Variants in MTFR1 observed in about 807,000 individuals in gnomAD.
MTFR1 encodes the protein chondrocyte protein with a poly-proline region.
In MTFR1, 28 loss-of-function variants were observed where a neutral mutation model predicts 38.8. The observed-to-expected ratio is 0.72, with a 90% CI of 0.53 to 0.99. The LOEUF is 0.99. Among genes scored for constraint, MTFR1 ranks in the 50% least tolerant of loss-of-function variants. The probability of loss-of-function intolerance (pLI) is 0.00; values close to 1 mark genes in which losing one functional copy is unlikely to be tolerated. For missense variants in MTFR1, 358 were observed against 395.5 expected (o/e 0.91, Z 0.81); for synonymous variants, 145 against 137.0 (o/e 1.06, Z -0.41).
rs539509299 is a variant in MTFR1 at position 65,729,998 on chromosome 8, C to T, written c.*48+10517C>T. On this transcript the variant is annotated intron_variant, in intron 3 of 3. Coordinates refer to the MTFR1 transcript ENST00000521247. ...GCTCCTCAATCCCCAGGCCATGGAC[C>T]GGTACTGGTCCATGGCCTGTTAGGA... Among the ~76,000 whole-genome samples the T allele has an allele frequency of 1.8e-4, 28 of 151,862 alleles. No homozygotes were observed. The South Asian group carries it at 3.7e-3, about 20-fold the overall frequency.
At chr8:65,735,185 T>C (rs1256172000) in intron 3 of MTFR1, among the ~76,000 whole-genome samples, 1 of 152,104 alleles carries the variant, frequency 6.6e-6, no homozygotes, top group Non-Finnish European at 1.5e-5. Context: ...ACAAATCCAG[T>C]GGTCTCAAAG....
intron 2 of MTFR1, among the ~76,000 whole-genome samples, chr8:65,681,768 A>G (rs1386015826): frequency 6.6e-6 from 1 of 150,554 alleles, no homozygotes; most frequent in East Asian, 2.0e-4. Flanking sequence ...TTCTGCTCAG[A>G]TGAAATTTCT....
At chr8:65,724,445 A>G in intron 3 of MTFR1, 1 of 708,470 alleles carries the variant, frequency 1.4e-6, no homozygotes, top group Middle Eastern at 2.5e-4. Flanking sequence ...AACCATAAAT[A>G]TAAATAAATA....
Position 65,655,969 on chromosome 8 carries a change from C to CATATATATATATATA in MTFR1, c.-81+11185_-81+11186insATATATATATATATA. On this transcript the variant is annotated intron_variant, in intron 1 of 7. Coordinates refer to ENST00000262146, the MANE Select transcript of MTFR1 (RefSeq NM_014637.4). Reference sequence around the variant, plus strand: ...AAAAAAAAATATATATATATATATACCATATATATATATATGGTAGTGGGT... The same window carrying CATATATATATATATA: ...AAAAAAAAATATATATATATATATACATATATATATATATACATATATATATATATGGTAGTGGGT... Among the ~76,000 whole-genome samples the CATATATATATATATA allele has an allele frequency of 6.1e-3, 345 of 56,466 alleles. 57 individuals carry two copies. Among genetic ancestry groups the CATATATATATATATA allele is most frequent in the African/African-American group, 0.033 (325 of 9,840 alleles). The allele number at this position is 56,466 out of a possible 152,430, so 37.0% of individuals were successfully genotyped here.
At chr8:65,698,210 A>G (rs1053297340) in intron 4 of MTFR1, among the ~76,000 whole-genome samples, 3 of 147,988 alleles carry the variant, frequency 2.0e-5, no homozygotes, top group Non-Finnish European at 4.4e-5. Flanking sequence ...GTGCAGTGGC[A>G]TGATCATAGC....
intron 4 of MTFR1, among the ~76,000 whole-genome samples, chr8:65,697,899 T>C (rs1805490748): frequency 6.6e-6 from 1 of 152,228 alleles, no homozygotes; most frequent in Non-Finnish European, 1.5e-5. Flanking sequence ...ATTCTAGATA[T>C]GAATCCTTGT....
intron 3 of MTFR1, among the ~76,000 whole-genome samples, chr8:65,733,387 A>T (rs1474831916): frequency 6.6e-6 from 1 of 152,144 alleles, no homozygotes; most frequent in Non-Finnish European, 1.5e-5. Context: ...TTGTATGGTG[A>T]TTACTCATCA....
At chr8:65,683,331 C>A (rs1432449480) in intron 3 of MTFR1, among the ~76,000 whole-genome samples, 1 of 151,946 alleles carries the variant, frequency 6.6e-6, no homozygotes, top group Admixed American at 6.6e-5. Context: ...GGGGTTTCAC[C>A]ATGTTGGCCA....
chr8:65,645,892 A>G (rs1205247399), intron 1 of MTFR1, among the ~76,000 whole-genome samples: 1 of 152,170 alleles, frequency 6.6e-6, no homozygotes, highest in African/African-American at 2.4e-5. Context: ...ACATATTTCT[A>G]TGCCTCTGTC....
chr8:65,739,473 G>A, intron 3 of MTFR1: 1 of 1,522,824 alleles, frequency 6.6e-7, no homozygotes, highest in Non-Finnish European at 8.7e-7. Context: ...TGTAAATCTT[G>A]TTACTGTTAA....
intron 3 of MTFR1, among the ~76,000 whole-genome samples, chr8:65,690,560 G>GT (rs11405043): frequency 0.11 from 15,978 of 151,996 alleles, 1,906 homozygotes; most frequent in East Asian, 0.53. Flanking sequence ...GTAGTACTTT[G>GT]TTTTTTTGTT....
chr8:65,647,307 TTG>T (rs1248116828), intron 1 of MTFR1, among the ~76,000 whole-genome samples: 2 of 152,120 alleles, frequency 1.3e-5, no homozygotes, highest in African/African-American at 2.4e-5. Flanking sequence ...AGGATTTTTT[TTG>T]TTTTTGTTTC....
At chr8:65,652,016 C>T (rs530431340) in intron 1 of MTFR1, among the ~76,000 whole-genome samples, 3 of 151,222 alleles carry the variant, frequency 2.0e-5, no homozygotes, top group Admixed American at 6.6e-5. Context: ...CGGAGTGCAG[C>T]GGCATGATCA....
chr8:65,712,459 G>A (rs192709119), downstream of MTFR1, among the ~76,000 whole-genome samples: 28 of 152,264 alleles, frequency 1.8e-4, no homozygotes, highest in African/African-American at 6.7e-4. Context: ...TCAGTGCCAG[G>A]AGCTCAAATA....
chr8:65,657,047 C>T (rs556789941), intron 1 of MTFR1, among the ~76,000 whole-genome samples: 2 of 146,378 alleles, frequency 1.4e-5, no homozygotes, highest in Admixed American at 1.4e-4. Flanking sequence ...GAGTCTCACT[C>T]TTATTGCCCA....
chr8:65,678,450 T>C (rs1189272801), intron 2 of MTFR1, among the ~76,000 whole-genome samples: 1 of 152,242 alleles, frequency 6.6e-6, no homozygotes, highest in East Asian at 1.9e-4. Flanking sequence ...TTGATATTTA[T>C]TGGTGCTAAG....
chr8:65,740,730 A>G (rs1315051240), intron 3 of MTFR1, among the ~76,000 whole-genome samples: 1 of 152,106 alleles, frequency 6.6e-6, no homozygotes, highest in Non-Finnish European at 1.5e-5. Context: ...AAGCCAATCC[A>G]TCCACACCTC....
intron 3 of MTFR1, chr8:65,728,534 G>A (rs1037738111): frequency 6.6e-5 from 10 of 152,152 alleles, no homozygotes; most frequent in African/African-American, 2.4e-4. Context: ...ATGAATAGGA[G>A]AAGATGAAGA....
At chr8:65,678,095 T>C (rs1804769774) in intron 2 of MTFR1, among the ~76,000 whole-genome samples, 1 of 152,084 alleles carries the variant, frequency 6.6e-6, no homozygotes, top group Admixed American at 6.6e-5. Flanking sequence ...TAAAGAAATA[T>C]TAATGACAGT....
Sources: gnomAD v4.1 joint callset for allele counts (sites outside exome capture counted in the v4.1 genomes callset) on GRCh38, gnomAD v4.1.1 for gene constraint, MANE v1.5 for transcripts, NCBI Gene and HGNC (gene_info 2026-07-23, HGNC 2026-07-21) for gene names.